Variants in TCF7 observed in about 807,000 individuals in gnomAD.
TCF7 encodes the protein T-cell-factor-7.
TCF7 carries 19 observed loss-of-function variants against 46.8 expected under a neutral mutation model. The ratio of observed to expected loss-of-function variants is 0.41; its 90% CI spans 0.28 to 0.60. The LOEUF (loss-of-function observed/expected upper bound fraction) is 0.60, where lower values mean the gene tolerates loss of function less well. TCF7 is among the 20% of genes least tolerant of loss of function. The pLI is 0.35. For synonymous variants in TCF7, 245 were observed against 213.4 expected (o/e 1.15, Z -1.29); for missense variants, 547 against 504.6 (o/e 1.08, Z -0.81).
chr5:134,144,488 C>T (rs1760373478), intron 9 of TCF7: 2 of 393,720 alleles, frequency 5.1e-6, no homozygotes, highest in African/African-American at 2.0e-5. Flanking sequence ...GGCCCCTCTG[C>T]AGCCTCCATG....
intron 3 of TCF7, among the ~76,000 whole-genome samples, chr5:134,130,060 C>T (rs550555431): frequency 2.4e-4 from 37 of 152,328 alleles, no homozygotes; most frequent in African/African-American, 8.9e-4. Context: ...GCTTGCGGGC[C>T]GTCCTTTGGA....
chr5:134,125,161 G>A (rs1580823097), intron 3 of TCF7, among the ~76,000 whole-genome samples: 1 of 152,210 alleles, frequency 6.6e-6, no homozygotes, highest in African/African-American at 2.4e-5. Flanking sequence ...GGGAGGGAGG[G>A]ACAGGTGATG....
intron 2 of TCF7, 99 bp downstream of exon 2, chr5:134,115,486 C>A: frequency 5.3e-6 from 8 of 1,502,706 alleles, no homozygotes; most frequent in East Asian, 2.6e-5. Context: ...GTGCCTCCCC[C>A]ACCGCAGCTC....
intron 3 of TCF7, among the ~76,000 whole-genome samples, chr5:134,133,652 C>G (rs1004527402): frequency 2.6e-5 from 4 of 152,134 alleles, no homozygotes; most frequent in African/African-American, 9.7e-5. Context: ...AGGCAGCCTG[C>G]ATGAATGTGG....
chr5:134,113,883 G>A (rs1006896185), upstream of TCF7, among the ~76,000 whole-genome samples: 1 of 152,178 alleles, frequency 6.6e-6, no homozygotes, highest in African/African-American at 2.4e-5. Flanking sequence ...GTGGACGAGC[G>A]ACCCATGTCG....
At chr5:134,130,787 GCAGT>G (rs1321246984) in intron 3 of TCF7, among the ~76,000 whole-genome samples, 1 of 152,120 alleles carries the variant, frequency 6.6e-6, no homozygotes, top group African/African-American at 2.4e-5. Context: ...CTTATTTAGT[GCAGT>G]CACATTTTCC....
At position 134,131,693 on chromosome 5, in the gene TCF7, C is replaced by G. The variant is rs1196351424; in HGVS notation, c.442-6366C>G. On this transcript the variant is annotated intron_variant, in intron 3 of 9. Transcript: ENST00000342854. Reference sequence around the variant, plus strand: ...GACAGAGATGACTAACCAGCAGACCCTGCCATCCAGGACCCCCAGGCCAAC... The same window carrying G: ...GACAGAGATGACTAACCAGCAGACCGTGCCATCCAGGACCCCCAGGCCAAC... 2.6e-5 allele frequency among the ~76,000 whole-genome samples: 4 copies of G among 152,246 alleles called. No individual in the cohort carries two copies. The East Asian group carries it at 7.7e-4, about 29-fold the overall frequency.
intron 3 of TCF7, among the ~76,000 whole-genome samples, chr5:134,118,618 G>T (rs953562466): frequency 2.0e-5 from 3 of 152,178 alleles, no homozygotes; most frequent in South Asian, 2.1e-4. Flanking sequence ...CTTCCAAAAA[G>T]GTTCCTTCTT....
At chr5:134,139,409 C>G (rs941363680) in intron 5 of TCF7, 6 of 217,066 alleles carry the variant, frequency 2.8e-5, no homozygotes, top group East Asian at 2.0e-4. Context: ...AGGGAGGGGA[C>G]AGCATGAGTG....
chr5:134,145,900 C>A, intron 9 of TCF7: 1 of 1,550,022 alleles, frequency 6.5e-7, no homozygotes, highest in Non-Finnish European at 8.7e-7. Flanking sequence ...ACAAACACAT[C>A]TGGAGAAGCT....
chr5:134,118,762 T>TTTTTG (rs1756181465), intron 3 of TCF7, among the ~76,000 whole-genome samples: 1 of 152,012 alleles, frequency 6.6e-6, no homozygotes, highest in Admixed American at 6.6e-5. Flanking sequence ...AACCAGGGTT[T>TTTTTG]TTTTGTTTTG....
At position 134,116,011 on chromosome 5, in the gene TCF7, A is replaced by G. The variant is rs552034914; in HGVS notation, c.419A>G (p.His140Arg). 8.1e-6 allele frequency: 13 copies of G among 1,610,694 alleles called. No homozygotes were observed. Among genetic ancestry groups the G allele is most frequent in the Middle Eastern group, 1.7e-4 (1 of 6,040 alleles). Reference protein sequence around the residue: ...HYPPPSGAGQHPQPQPPLHKA... With the variant: ...HYPPPSGAGQRPQPQPPLHKA... ...CCACCCCCCTCGGGAGCAGGGCAGCACCCCCAGCCGCAGCCCCCGCTGGTA... is the reference window on the plus strand; with the variant it reads ...CCACCCCCCTCGGGAGCAGGGCAGCGCCCCCAGCCGCAGCCCCCGCTGGTA... The change falls in exon 3 of 10, where the codon CAC becomes CGC. Residue 140 changes from histidine to arginine, a missense_variant. Coordinates refer to ENST00000342854, the MANE Select transcript of TCF7 (RefSeq NM_003202.5).
chr5:134,146,052 T>C (rs1580911195), intron 9 of TCF7, 172 bp from the exon 10 acceptor site: 1 of 1,555,292 alleles, frequency 6.4e-7, no homozygotes, highest in Non-Finnish European at 8.6e-7. Flanking sequence ...CTGTCCTAGG[T>C]CTGGGCCAGA....
rs374987871 is a variant in TCF7 at position 134,143,757 on chromosome 5, G to C, written c.1075+117G>C. The C allele has an allele frequency of 1.4e-5, 17 of 1,214,938 alleles. No individual in the cohort carries two copies. The South Asian group carries it at 1.6e-4, about 12-fold the overall frequency. 75.3% of individuals were successfully genotyped at this position (1,214,938 alleles called of 1,614,324 possible). The stretch of plus-strand genomic sequence containing the variant: ...CCCAGCTAGGAGCCTTCAGGGCCTG[G>C]GGCCTATGAAAACAAGGCCTGCATC... On this transcript the variant is annotated intron_variant, in intron 9 of 9. Transcript: ENST00000342854.
intron 3 of TCF7, among the ~76,000 whole-genome samples, chr5:134,124,821 A>C (rs1390815250): frequency 6.6e-6 from 1 of 152,030 alleles, no homozygotes; most frequent in Non-Finnish European, 1.5e-5. Context: ...GTGGGTGTGG[A>C]CTTTGGGGGT....
intron 5 of TCF7, among the ~76,000 whole-genome samples, chr5:134,140,041 C>G (rs1580882139): frequency 6.6e-6 from 1 of 152,150 alleles, no homozygotes; most frequent in East Asian, 1.9e-4. Flanking sequence ...TGCTGAAGAC[C>G]AAGAGAGTTG....
chr5:134,129,835 G>A (rs574312712), intron 3 of TCF7, among the ~76,000 whole-genome samples: 1 of 152,368 alleles, frequency 6.6e-6, no homozygotes, highest in Admixed American at 6.5e-5. Context: ...GCCAGGCGGT[G>A]GGTGGACTGG....
intron 5 of TCF7, chr5:134,141,380 C>A (rs1295254764): frequency 6.6e-6 from 1 of 152,372 alleles, no homozygotes; most frequent in African/African-American, 2.4e-5. Context: ...GATCCCTTCA[C>A]TTAGGTCACT....
Position 134,114,956 on chromosome 5 carries a change from TC to T in TCF7, c.51del (p.Gly18AlafsTer39). The stretch of plus-strand genomic sequence containing the variant: ...GGCGGCGCGGGCGGCGGCGACGACC[TC>T]GGCGCGCCGGACGAGCTGCTGGCCT... ...GGGGAGGGDD[L>X]GAPDELLAFQ... is the part of the protein sequence containing the mutation. On this transcript the variant is annotated frameshift_variant, in exon 1 of 10. Transcript: ENST00000342854. LOFTEE classifies it high-confidence loss of function. 1 of 1,150,558 alleles carries T rather than the reference TC, an allele frequency of 8.7e-7. No homozygotes were observed. The highest frequency in any genetic ancestry group is 1.1e-6 in the Non-Finnish European group (1 of 917,208). 71.3% of individuals were successfully genotyped at this position (1,150,558 alleles called of 1,614,324 possible). A position where few individuals can be genotyped will look rare whatever the true frequency, so the allele number is the denominator to read the frequency against.
Sources: allele counts gnomAD v4.1 joint callset (sites outside exome capture counted in the v4.1 genomes callset), GRCh38; gene constraint gnomAD v4.1.1; transcripts MANE v1.5; gene names NCBI Gene and HGNC (gene_info 2026-07-23, HGNC 2026-07-21).